FOCAD: variants seen among roughly 807,000 people sequenced by gnomAD.
FOCAD encodes the protein KIAA1797.
Under a neutral mutation model 225.6 loss-of-function variants are expected in FOCAD, and 198 were observed. That is an observed-to-expected ratio of 0.88 (90% CI 0.78 to 0.99). The LOEUF is 0.99. Ranked by LOEUF, FOCAD falls within the 50% of genes least tolerant of loss-of-function variation. The pLI, the probability that FOCAD is intolerant of heterozygous loss-of-function variation, is 0.00. For synonymous variants in FOCAD, 897 were observed against 755.0 expected, an observed-to-expected ratio of 1.19 and a Z score of -3.08; for missense variants, 2,713 against 2,123.6, an observed-to-expected ratio of 1.28 and a Z score of -5.46.
intron 21 of FOCAD, among the ~76,000 whole-genome samples, chr9:20,897,436 A>G (rs1000748095): frequency 2.0e-5 from 3 of 149,802 alleles, no homozygotes; most frequent in Non-Finnish European, 4.5e-5. Context: ...TTTGTTGCTC[A>G]TGTTCTTTAT....
intron 1 of FOCAD, among the ~76,000 whole-genome samples, chr9:20,695,123 C>T (rs187503488): frequency 7.2e-4 from 109 of 152,226 alleles, no homozygotes; most frequent in African/African-American, 2.5e-3. Context: ...GAAGAGGTAC[C>T]TTGTTCCTGT....
intron 1 of FOCAD, among the ~76,000 whole-genome samples, chr9:20,712,449 C>G (rs1446953055): frequency 6.6e-6 from 1 of 152,068 alleles, no homozygotes; most frequent in Non-Finnish European, 1.5e-5. Context: ...CACTTGAGGT[C>G]AGGAGTTCGA....
chr9:20,797,853 G>C (rs1188355563), intron 11 of FOCAD, among the ~76,000 whole-genome samples: 1 of 152,062 alleles, frequency 6.6e-6, no homozygotes, highest in African/African-American at 2.4e-5. Context: ...TCTTCTGCCT[G>C]ATTGCCCTGG....
chr9:20,964,330 C>G (rs1273285370), intron 35 of FOCAD, among the ~76,000 whole-genome samples: 1 of 152,028 alleles, frequency 6.6e-6, no homozygotes, highest in Non-Finnish European at 1.5e-5. Context: ...GCTGCACTTA[C>G]TTGCAGTGAA....
intron 19 of FOCAD, among the ~76,000 whole-genome samples, chr9:20,876,476 A>G (rs184833255): frequency 4.6e-5 from 7 of 152,242 alleles, no homozygotes; most frequent in Admixed American, 4.6e-4. Flanking sequence ...TTGTCTTCTC[A>G]GTACAGAATG....
At chr9:20,941,359 A>G (rs1294419077) in intron 28 of FOCAD, among the ~76,000 whole-genome samples, 1 of 152,184 alleles carries the variant, frequency 6.6e-6, no homozygotes. Flanking sequence ...GTTAATTACT[A>G]CTGAGCTTTT....
intron 2 of FOCAD, among the ~76,000 whole-genome samples, chr9:20,665,185 A>G (rs967425959): frequency 2.6e-5 from 4 of 152,162 alleles, no homozygotes; most frequent in African/African-American, 4.8e-5. Flanking sequence ...CCTTGCTTGA[A>G]GTTTTATTAA....
intron 16 of FOCAD, among the ~76,000 whole-genome samples, chr9:20,864,566 C>G (rs1829065372): frequency 6.6e-6 from 1 of 151,966 alleles, no homozygotes; most frequent in Admixed American, 6.6e-5. Context: ...AAGCTGGAGT[C>G]TTTTGTTCCC....
At chr9:20,739,146 C>G (rs1277736304) in intron 4 of FOCAD, among the ~76,000 whole-genome samples, 1 of 152,082 alleles carries the variant, frequency 6.6e-6, no homozygotes, top group African/African-American at 2.4e-5. Context: ...ATAAATGCCA[C>G]AAATGATACC....
At chr9:20,792,159 T>A (rs1820602938) in intron 11 of FOCAD, among the ~76,000 whole-genome samples, 1 of 152,210 alleles carries the variant, frequency 6.6e-6, no homozygotes, top group South Asian at 2.1e-4. Context: ...TGTTTGTGGT[T>A]TTAAGACCTG....
intron 11 of FOCAD, among the ~76,000 whole-genome samples, chr9:20,819,387 A>C (rs1275676645): frequency 6.6e-6 from 1 of 151,826 alleles, no homozygotes; most frequent in Non-Finnish European, 1.5e-5. Flanking sequence ...TTAATTTAAA[A>C]GTTTTTTGTA....
chr9:20,855,160 C>T (rs1458732694), intron 15 of FOCAD, among the ~76,000 whole-genome samples: 2 of 151,502 alleles, frequency 1.3e-5, no homozygotes, highest in Non-Finnish European at 3.0e-5. Flanking sequence ...AAAGTTATTT[C>T]ATCATTATAA....
chr9:20,850,206 A>G (rs941839238), intron 15 of FOCAD, among the ~76,000 whole-genome samples: 3 of 151,812 alleles, frequency 2.0e-5, no homozygotes, highest in Non-Finnish European at 2.9e-5. Flanking sequence ...AGAGGTGACC[A>G]ATAGCAGACT....
chr9:20,788,444 G>A (rs147002792), intron 10 of FOCAD, among the ~76,000 whole-genome samples: 1 of 152,156 alleles, frequency 6.6e-6, no homozygotes, highest in South Asian at 2.1e-4. Context: ...CTTTAAAAGG[G>A]TGCCTTTTAT....
intron 35 of FOCAD, among the ~76,000 whole-genome samples, chr9:20,968,428 A>ATTT (rs1839457556): frequency 8.6e-5 from 3 of 34,780 alleles, no homozygotes; most frequent in Admixed American, 7.1e-4. Flanking sequence ...GTATTTTCTT[A>ATTT]TTCTTTTTTT....
intron 21 of FOCAD, among the ~76,000 whole-genome samples, chr9:20,899,828 G>T (rs1313015256): frequency 1.3e-5 from 2 of 151,546 alleles, no homozygotes; most frequent in East Asian, 3.9e-4. Context: ...ATTCTCCCCT[G>T]TTACTTTTAG....
At chr9:20,932,716 T>C (rs907387928) in intron 27 of FOCAD, among the ~76,000 whole-genome samples, 11 of 152,212 alleles carry the variant, frequency 7.2e-5, no homozygotes, top group African/African-American at 2.7e-4. Context: ...GAGTTTCTTT[T>C]TTATTTTTCA....
chr9:20,870,438 C>T (rs1192310586), intron 18 of FOCAD, among the ~76,000 whole-genome samples: 1 of 152,176 alleles, frequency 6.6e-6, no homozygotes, highest in Non-Finnish European at 1.5e-5. Flanking sequence ...CACAGTGAGG[C>T]ATTTTGTGGG....
chr9:20,944,274 T>C (rs1836956940), intron 28 of FOCAD, among the ~76,000 whole-genome samples: 1 of 152,204 alleles, frequency 6.6e-6, no homozygotes, highest in Non-Finnish European at 1.5e-5. Context: ...GGTAGGGGTG[T>C]TGCAGGGAAA....
Sources: gnomAD v4.1 joint callset for allele counts (sites outside exome capture counted in the v4.1 genomes callset) on GRCh38, gnomAD v4.1.1 for gene constraint, MANE v1.5 for transcripts, NCBI Gene and HGNC (gene_info 2026-07-23, HGNC 2026-07-21) for gene names.